ATP2B2: variants seen among roughly 807,000 people sequenced by gnomAD.
ATP2B2 encodes the protein ATPase plasma membrane Ca2+ transporting 2, also known as plasma membrane calcium-transporting ATPase 2.
Under a neutral mutation model 120.0 loss-of-function variants are expected in ATP2B2, and 15 were observed. The ratio of observed to expected loss-of-function variants is 0.12; its 90% CI spans 0.08 to 0.19. ATP2B2 has a LOEUF of 0.19. ATP2B2 is among the 10% of genes least tolerant of loss of function. ATP2B2 has a pLI of 1.00. For synonymous variants in ATP2B2, 694 were observed against 700.3 expected (o/e 0.99, Z 0.14); for missense variants, 1,045 against 1,719.8 (o/e 0.61, Z 6.94).
At chr3:10,462,361 T>C (rs896530019) in intron 1 of ATP2B2, among the ~76,000 whole-genome samples, 1 of 152,148 alleles carries the variant, frequency 6.6e-6, no homozygotes, top group Non-Finnish European at 1.5e-5. Flanking sequence ...AGCATCAGCA[T>C]AAAGGCTCAG....
chr3:10,332,252 G>T, intron 22 of ATP2B2: 1 of 554,522 alleles, frequency 1.8e-6, no homozygotes, highest in Admixed American at 2.9e-5. Flanking sequence ...GGAATCTGCA[G>T]GGGAAGTGGG....
At position 10,350,593 on chromosome 3, in the gene ATP2B2, G is replaced by A; in HGVS notation, c.2137-16C>T. 1.2e-6 allele frequency: 2 copies of A among 1,607,664 alleles called. No individual in the cohort carries two copies. Among genetic ancestry groups the A allele is most frequent in the South Asian group, 1.1e-5 (1 of 91,040 alleles). ...CTTCTGGGACCTGGGCAGGAGGGCAGGGGCCATGGGGGAGGGCACCACCTC... is the reference window on the plus strand; with the variant it reads ...CTTCTGGGACCTGGGCAGGAGGGCAAGGGCCATGGGGGAGGGCACCACCTC... On this transcript the variant is annotated splice_polypyrimidine_tract_variant and intron_variant, in intron 14 of 22. Coordinates refer to ENST00000360273, the MANE Select transcript of ATP2B2 (RefSeq NM_001001331.4).
intron 12 of ATP2B2, among the ~76,000 whole-genome samples, chr3:10,368,816 CA>C (rs1193271221): frequency 6.6e-6 from 1 of 152,100 alleles, no homozygotes; most frequent in Non-Finnish European, 1.5e-5. Flanking sequence ...TCTACCTACC[CA>C]CCACTCATCC....
chr3:10,562,989 T>C (rs1559460288), intron 2 of ATP2B2, among the ~76,000 whole-genome samples: 2 of 152,384 alleles, frequency 1.3e-5, no homozygotes, highest in African/African-American at 4.8e-5. Context: ...TATGGTTCCA[T>C]CCTATTTTCT....
chr3:10,628,030 C>A (rs1380763131), intron 1 of ATP2B2, among the ~76,000 whole-genome samples: 1 of 152,074 alleles, frequency 6.6e-6, no homozygotes, highest in Non-Finnish European at 1.5e-5. Flanking sequence ...AAGGGAGAGG[C>A]TGGGCAATGC....
At chr3:10,480,585 C>T (rs1013998762) in intron 1 of ATP2B2, among the ~76,000 whole-genome samples, 1 of 152,148 alleles carries the variant, frequency 6.6e-6, no homozygotes, top group African/African-American at 2.4e-5. Flanking sequence ...TGTCATATGC[C>T]AGTTCCTTCA....
Position 10,442,308 on chromosome 3 carries a change from A to G in ATP2B2, c.199+7037T>C, listed in dbSNP as rs549832843. Among the ~76,000 whole-genome samples the G allele has an allele frequency of 3.3e-5, 5 of 152,238 alleles. No homozygotes were observed. The East Asian group carries it at 5.8e-4, about 18-fold the overall frequency. On this transcript the variant is annotated intron_variant, in intron 2 of 22. Coordinates refer to ENST00000360273, the MANE Select transcript of ATP2B2 (RefSeq NM_001001331.4). ...CCTAGTGAGCCAAGCAGCATCGCTC[A>G]CGGGACATGAAGACTCCCTAGTCTT...
At chr3:10,621,347 G>A (rs1010100927) in intron 1 of ATP2B2, among the ~76,000 whole-genome samples, 1 of 152,214 alleles carries the variant, frequency 6.6e-6, no homozygotes. Context: ...GAGCAGTCAC[G>A]GGGCCAGCTT....
At chr3:10,446,124 A>G (rs2063828947) in intron 2 of ATP2B2, among the ~76,000 whole-genome samples, 1 of 152,124 alleles carries the variant, frequency 6.6e-6, no homozygotes, top group Admixed American at 6.5e-5. Context: ...CCTCCATAAA[A>G]TGGGGTAACA....
chr3:10,522,482 T>C (rs4684707), intron 3 of ATP2B2, among the ~76,000 whole-genome samples: 2,506 of 152,330 alleles, frequency 0.016, 36 homozygotes, highest in Admixed American at 0.036. Context: ...GTCATTCCAC[T>C]GGAAGTAACT....
chr3:10,449,633 A>C lies in ATP2B2; in HGVS notation c.-90T>G. ...ATGGCTGCTTGTGGCTGTCCTCAGC[A>C]CACCCTCACTGGTCAGCTGTGGCAC... On this transcript the variant is annotated 5_prime_UTR_variant, in exon 2 of 23. Coordinates refer to ENST00000360273, the MANE Select transcript of ATP2B2 (RefSeq NM_001001331.4). 6.6e-7 allele frequency: 1 copy of C among 1,506,814 alleles called. No homozygotes were observed. The highest frequency in any genetic ancestry group is 9.2e-7 in the Non-Finnish European group (1 of 1,087,072). 93.3% of individuals were successfully genotyped at this position (1,506,814 alleles called of 1,614,324 possible).
chr3:10,353,204 G>GAAGGGGGTTTTGTGCTGCTGAGTAT (rs1196174704), intron 14 of ATP2B2, among the ~76,000 whole-genome samples: 1 of 152,252 alleles, frequency 6.6e-6, no homozygotes, highest in Non-Finnish European at 1.5e-5. Flanking sequence ...TGGGAACACA[G>GAAGGGGGTTTTGTGCTGCTGAGTAT]AAGGGGGTTT....
intron 5 of ATP2B2, among the ~76,000 whole-genome samples, chr3:10,394,035 C>T (rs143709880): frequency 2.0e-5 from 3 of 152,172 alleles, no homozygotes; most frequent in East Asian, 1.9e-4. Flanking sequence ...CCAGATAAGG[C>T]GAATGACTGA....
chr3:10,604,196 C>A (rs564388576), intron 2 of ATP2B2, among the ~76,000 whole-genome samples: 4 of 152,218 alleles, frequency 2.6e-5, no homozygotes, highest in African/African-American at 7.2e-5. Flanking sequence ...TTTGACCCTT[C>A]TAGGATCTCT....
chr3:10,486,599 G>A (rs1190885996), intron 1 of ATP2B2, among the ~76,000 whole-genome samples: 1 of 152,076 alleles, frequency 6.6e-6, no homozygotes, highest in Non-Finnish European at 1.5e-5. Context: ...CCCAGATGGT[G>A]GCATCTTGAA....
intron 22 of ATP2B2, chr3:10,332,188 TTCA>T: frequency 1.4e-6 from 1 of 709,614 alleles, no homozygotes; most frequent in Non-Finnish European, 2.5e-6. Context: ...TTTTGTTGTC[TTCA>T]TTTCTCCCCC....
At chr3:10,405,170 T>A (rs1309514563) in intron 3 of ATP2B2, among the ~76,000 whole-genome samples, 1 of 152,152 alleles carries the variant, frequency 6.6e-6, no homozygotes, top group Non-Finnish European at 1.5e-5. Context: ...GCCTGGCACA[T>A]GATAGATACA....
chr3:10,601,814 G>C (rs1031698808), intron 2 of ATP2B2, among the ~76,000 whole-genome samples: 3 of 152,212 alleles, frequency 2.0e-5, no homozygotes, highest in Non-Finnish European at 4.4e-5. Flanking sequence ...GAGGCCCCTG[G>C]AGTTCAGGGC....
chr3:10,513,195 G>C (rs1477413067), intron 3 of ATP2B2, among the ~76,000 whole-genome samples: 2 of 152,184 alleles, frequency 1.3e-5, no homozygotes, highest in Non-Finnish European at 2.9e-5. Flanking sequence ...AGAGCAGGAA[G>C]CCTCACAGAG....
Sources: allele counts gnomAD v4.1 joint callset (sites outside exome capture counted in the v4.1 genomes callset), GRCh38; gene constraint gnomAD v4.1.1; transcripts MANE v1.5; gene names NCBI Gene and HGNC (gene_info 2026-07-23, HGNC 2026-07-21).